The following PCDHGA7 variants were observed in gnomAD, a reference collection of about 807,000 sequenced individuals.
PCDHGA7 encodes protocadherin gamma subfamily A, 7, also known as protocadherin gamma-A7.
PCDHGA7 carries 44 observed loss-of-function variants against 58.3 expected under a neutral mutation model. The observed-to-expected ratio is 0.75, with a 90% CI of 0.59 to 0.97. The LOEUF is 0.97. Among genes scored for constraint, PCDHGA7 ranks in the 50% least tolerant of loss-of-function variants. PCDHGA7 has a pLI of 0.00. For synonymous variants in PCDHGA7, 516 were observed against 504.2 expected, an observed-to-expected ratio of 1.02 and a Z score of -0.31; for missense variants, 1,266 against 1,188.7, an observed-to-expected ratio of 1.06 and a Z score of -0.96.
intron 3 of PCDHGA7, among the ~76,000 whole-genome samples, chr5:141,508,975 G>T (rs1360718244): frequency 2.6e-5 from 4 of 152,148 alleles, no homozygotes; most frequent in African/African-American, 7.2e-5. Context: ...AAGGGCTGGG[G>T]GTGGGGGCCA....
intron 1 of PCDHGA7, chr5:141,389,992 T>C (rs1454071261): frequency 6.2e-7 from 1 of 1,614,010 alleles, no homozygotes; most frequent in South Asian, 1.1e-5. Flanking sequence ...CTCTTCCTCG[T>C]GGCCATGATT....
Position 141,485,757 on chromosome 5 carries a change from T to A in PCDHGA7, c.2425-9050T>A. The A allele has an allele frequency of 6.2e-7, 1 of 1,614,174 alleles. No homozygotes were observed. The highest frequency in any genetic ancestry group is 8.5e-7 in the Non-Finnish European group (1 of 1,180,028). The stretch of plus-strand genomic sequence containing the variant: ...GACGGCAGCCTGGTCCCAGAGCTGC[T>A]CCTGGAGAAGCCTTTGGATCGAGAG... On this transcript the variant is annotated intron_variant, in intron 1 of 3. Transcript: ENST00000518325. The surrounding 1 kb of genome is among the most constrained non-coding windows in gnomAD (Gnocchi z 5.7).
chr5:141,418,123 C>A (rs1049456676), intron 1 of PCDHGA7: 8 of 1,613,914 alleles, frequency 5.0e-6, no homozygotes, highest in Admixed American at 3.3e-5. Flanking sequence ...TTGTGAAGGA[C>A]CGAATAGACC....
At chr5:141,408,791 G>C (rs1260366830) in intron 1 of PCDHGA7, 1 of 1,612,540 alleles carries the variant, frequency 6.2e-7, no homozygotes, top group East Asian at 2.2e-5. Context: ...GTTATCTCTG[G>C]AGAAACTCCT....
rs2099183566 is a variant in PCDHGA7, at chr5:141,468,861, A to G, written c.2425-25946A>G. 3.9e-5 allele frequency among the ~76,000 whole-genome samples: 6 copies of G among 152,168 alleles called. No homozygotes were observed. In the South Asian group the frequency reaches 1.2e-3, roughly 32 times the overall value. On this transcript the variant is annotated intron_variant, in intron 1 of 3. Coordinates refer to ENST00000518325, the MANE Select transcript of PCDHGA7 (RefSeq NM_018920.4). ...AGCCTGGGCAACAGAGCGAGACTCCATCTCAAAAATAATAATAATAATAAT... is the reference window on the plus strand; with the variant it reads ...AGCCTGGGCAACAGAGCGAGACTCCGTCTCAAAAATAATAATAATAATAAT...
intron 3 of PCDHGA7, among the ~76,000 whole-genome samples, chr5:141,509,335 G>C (rs113423267): frequency 6.6e-6 from 1 of 152,144 alleles, no homozygotes; most frequent in African/African-American, 2.4e-5. Context: ...CTGCCAGCTG[G>C]GCCTGGGCTG....
chr5:141,498,045 A>G (rs1368474174), intron 2 of PCDHGA7, among the ~76,000 whole-genome samples: 4 of 152,256 alleles, frequency 2.6e-5, no homozygotes, highest in Non-Finnish European at 4.4e-5. Flanking sequence ...AATTACAAAA[A>G]TAAATGTGAG....
intron 1 of PCDHGA7, among the ~76,000 whole-genome samples, chr5:141,456,033 G>A (rs1398584179): frequency 6.6e-6 from 1 of 151,884 alleles, no homozygotes; most frequent in Non-Finnish European, 1.5e-5. Flanking sequence ...GAGTAGCTGG[G>A]ACTACAGGCG....
intron 1 of PCDHGA7, chr5:141,390,342 G>A (rs1484978612): frequency 6.3e-7 from 1 of 1,581,534 alleles, no homozygotes; most frequent in Non-Finnish European, 8.6e-7. Context: ...ATATTCACAA[G>A]AAAATATACA....
chr5:141,418,740 T>C, intron 1 of PCDHGA7: 1 of 1,613,972 alleles, frequency 6.2e-7, no homozygotes, highest in Admixed American at 1.7e-5. Context: ...GTGTTCTCTC[T>C]GGATTACACT....
At chr5:141,421,303 G>C in intron 1 of PCDHGA7, 1 of 1,613,660 alleles carries the variant, frequency 6.2e-7, no homozygotes, top group Non-Finnish European at 8.5e-7. Context: ...GACGCTGCGG[G>C]GGTTCCGGGC....
At position 141,476,002 on chromosome 5, in the gene PCDHGA7, C is replaced by A; in HGVS notation, c.2425-18805C>A. 1 of 1,247,396 alleles carries A rather than the reference C, an allele frequency of 8.0e-7. No individual in the cohort carries two copies. Among genetic ancestry groups the A allele is most frequent in the Non-Finnish European group, 1.1e-6 (1 of 904,880 alleles). 77.3% of individuals were successfully genotyped at this position (1,247,396 alleles called of 1,614,324 possible). ...AGCCGGCGAGCAAATCAACGGCATC[C>A]AGAAAGCCATGTCGGACTCGGCGCC... On this transcript the variant is annotated intron_variant, in intron 1 of 3. Transcript: ENST00000518325. This position sits in a 1 kb window ranked among gnomAD's most constrained non-coding sequence, Gnocchi z 7.6.
chr5:141,508,270 G>C lies in PCDHGA7; in HGVS notation c.2573-2677G>C, dbSNP rs547745015. On this transcript the variant is annotated intron_variant, in intron 3 of 3. Coordinates refer to ENST00000518325, the MANE Select transcript of PCDHGA7 (RefSeq NM_018920.4). Reference sequence around the variant, plus strand: ...TCTCCTGGGACCAAGAGAAAATCCCGGTCCTTGACCAAGGTGGGCCTTGGG... The same window carrying C: ...TCTCCTGGGACCAAGAGAAAATCCCCGTCCTTGACCAAGGTGGGCCTTGGG... 4 of 152,228 alleles carry C rather than the reference G, an allele frequency of 2.6e-5. No individual in the cohort carries two copies. The East Asian group carries it at 7.7e-4, about 29-fold the overall frequency. 9.4% of individuals were successfully genotyped at this position (152,228 alleles called of 1,614,324 possible). A position where few individuals can be genotyped will look rare whatever the true frequency, so the allele number is the denominator to read the frequency against.
chr5:141,408,384 T>C, intron 1 of PCDHGA7: 2 of 1,614,014 alleles, frequency 1.2e-6, no homozygotes, highest in Non-Finnish European at 1.7e-6. Flanking sequence ...GTCCTGGATG[T>C]GTCGGCTCGC....
Position 141,512,089 on chromosome 5 carries a change from T to C in PCDHGA7, c.*916T>C, listed in dbSNP as rs1292597067. 6.6e-6 allele frequency: 1 copy of C among 152,606 alleles called. No individual in the cohort carries two copies. Among genetic ancestry groups the C allele is most frequent in the Non-Finnish European group, 1.5e-5 (1 of 68,068 alleles). 9.5% of individuals were successfully genotyped at this position (152,606 alleles called of 1,614,324 possible). A position where few individuals can be genotyped will look rare whatever the true frequency, so the allele number is the denominator to read the frequency against. ...CCTCCAGATTCCAGCCATAAACCAA[T>C]AACTAGGCTGGACCCTTCCCACTAC... On this transcript the variant is annotated 3_prime_UTR_variant, in exon 4 of 4. Coordinates refer to ENST00000518325, the MANE Select transcript of PCDHGA7 (RefSeq NM_018920.4).
chr5:141,408,849 A>G (rs764977493), intron 1 of PCDHGA7: 1 of 1,613,610 alleles, frequency 6.2e-7, no homozygotes, highest in South Asian at 1.1e-5. Context: ...ACTGCCTTGG[A>G]CGGAGGGGAC....
At chr5:141,426,896 C>A in intron 1 of PCDHGA7, 1 of 456,782 alleles carries the variant, frequency 2.2e-6, no homozygotes, top group Non-Finnish European at 4.4e-6. Context: ...AGCAACAGAG[C>A]TCTCATCTCC....
At chr5:141,430,874 C>A in intron 1 of PCDHGA7, 2 of 1,598,990 alleles carry the variant, frequency 1.3e-6, no homozygotes, top group East Asian at 4.5e-5. Context: ...TCCGGAAGAG[C>A]TGGAGAAAGG....
intron 2 of PCDHGA7, among the ~76,000 whole-genome samples, chr5:141,503,954 C>T (rs2099834393): frequency 6.6e-6 from 1 of 152,186 alleles, no homozygotes; most frequent in Non-Finnish European, 1.5e-5. Flanking sequence ...GCCTACCCTA[C>T]AGCCTTTCCC....
Sources: gnomAD v4.1 joint callset for allele counts (sites outside exome capture counted in the v4.1 genomes callset) on GRCh38, gnomAD v4.1.1 for gene constraint, Gnocchi (gnomAD v3.1) non-coding constraint, MANE v1.5 for transcripts, NCBI Gene and HGNC (gene_info 2026-07-23, HGNC 2026-07-21) for gene names.